Variants in UBP1 observed in about 807,000 individuals in gnomAD.
UBP1 encodes upstream binding protein 1.
A neutral mutation model predicts 76.1 loss-of-function variants in UBP1; 22 were observed. That is an observed-to-expected ratio of 0.29 (90% CI 0.21 to 0.41). The LOEUF (loss-of-function observed/expected upper bound fraction) is 0.41, where lower values mean the gene tolerates loss of function less well. Among genes scored for constraint, UBP1 ranks in the 10% least tolerant of loss-of-function variants. UBP1 has a pLI of 1.00. For synonymous variants in UBP1, 224 were observed against 237.1 expected, an observed-to-expected ratio of 0.94 and a Z score of 0.51; for missense variants, 436 against 668.1, an observed-to-expected ratio of 0.65 and a Z score of 3.83.
intron 3 of UBP1, among the ~76,000 whole-genome samples, chr3:33,414,565 A>T (rs1194437029): frequency 6.6e-6 from 1 of 152,214 alleles, no homozygotes; most frequent in Non-Finnish European, 1.5e-5. Flanking sequence ...CACAAATTTA[A>T]GTAGTATAGT....
chr3:33,425,107 A>G (rs1337626271), intron 2 of UBP1, among the ~76,000 whole-genome samples: 5 of 152,046 alleles, frequency 3.3e-5, no homozygotes, highest in African/African-American at 1.2e-4. Flanking sequence ...CAACCCTTTC[A>G]TATCACTGAA....
chr3:33,424,456 T>C (rs1367047363), intron 2 of UBP1, among the ~76,000 whole-genome samples: 2 of 152,214 alleles, frequency 1.3e-5, no homozygotes, highest in African/African-American at 4.8e-5. Context: ...AAACACTATA[T>C]ACTCAAGTGA....
At chr3:33,440,709 TCTGTGTC>T (rs1478116845), upstream of UBP1, 2 of 152,302 alleles carry the variant, frequency 1.3e-5, no homozygotes, top group African/African-American at 4.8e-5. Flanking sequence ...CCCGTGAGTC[TCTGTGTC>T]CCCCGACTAA....
At chr3:33,429,177 T>C (rs990384106) in intron 1 of UBP1, among the ~76,000 whole-genome samples, 2 of 152,176 alleles carry the variant, frequency 1.3e-5, no homozygotes, top group African/African-American at 4.8e-5. Flanking sequence ...GATTGCTGCA[T>C]TAATAATCAA....
chr3:33,429,565 G>C (rs1370587833), intron 1 of UBP1, among the ~76,000 whole-genome samples: 1 of 152,156 alleles, frequency 6.6e-6, no homozygotes, highest in Admixed American at 6.5e-5. Flanking sequence ...CTGGCCTCAA[G>C]TGATCCACCC....
chr3:33,428,181 CAAAAAAAAAAAA>C (rs59049122), intron 1 of UBP1, among the ~76,000 whole-genome samples: 1 of 57,234 alleles, frequency 1.7e-5, no homozygotes, highest in Non-Finnish European at 3.4e-5. Context: ...GATTCCATCT[CAAAAAAAAAAAA>C]AAAAAAAAAA....
chr3:33,433,707 G>T (rs910923084), intron 1 of UBP1, among the ~76,000 whole-genome samples: 2 of 151,290 alleles, frequency 1.3e-5, no homozygotes, highest in Non-Finnish European at 1.5e-5. Flanking sequence ...TCATCTATTA[G>T]ATCTGTCCCA....
At chr3:33,430,437 T>C (rs2154059656) in intron 1 of UBP1, among the ~76,000 whole-genome samples, 1 of 152,294 alleles carries the variant, frequency 6.6e-6, no homozygotes, top group South Asian at 2.1e-4. Flanking sequence ...TGAAAAGACT[T>C]AGGCATCAAA....
At chr3:33,391,808 A>G (rs1247746961) in intron 15 of UBP1, 3 of 152,240 alleles carry the variant, frequency 2.0e-5, no homozygotes, top group Non-Finnish European at 4.4e-5. Context: ...AAATCTAGTC[A>G]CATTACTACT....
intron 1 of UBP1, among the ~76,000 whole-genome samples, chr3:33,428,042 C>T (rs865899728): frequency 6.6e-6 from 1 of 151,962 alleles, no homozygotes; most frequent in Admixed American, 6.6e-5. Flanking sequence ...ATTAGCTGGG[C>T]GTAGTGGGGC....
At chr3:33,403,315 AC>A in intron 8 of UBP1, 1 of 232,512 alleles carries the variant, frequency 4.3e-6, no homozygotes, top group East Asian at 1.6e-4. Context: ...TCACATGGTG[AC>A]CTGAAACATG....
rs1178636093 is a variant in UBP1 at position 33,439,785 on chromosome 3, T to C, written c.64A>G (p.Ser22Gly). 1 of 1,612,760 alleles carries C rather than the reference T, an allele frequency of 6.2e-7. No individual in the cohort carries two copies. Among genetic ancestry groups the C allele is most frequent in the Non-Finnish European group, 8.5e-7 (1 of 1,179,702 alleles). ...AGTTCCTGCCCGATGCCCGAGAGGC[T>C]GGCGTCGAAGTCGTGCACCAGCCCG... ...ESGLVHDFDA[S>G]LSGIGQELGA... The change falls in exon 1 of 16, where the codon AGC becomes GGC. Residue 22 changes from serine (S) to glycine (G), a missense_variant. Physicochemically the swap from Ser to Gly is moderately conservative, Grantham distance 56. Around this residue, in one of 3 missense-constraint regions of UBP1, gnomAD observed 161 missense variants for 237.9 expected, o/e 0.68. Coordinates refer to ENST00000283629, the MANE Select transcript of UBP1 (RefSeq NM_014517.5).
chr3:33,392,635 C>CTT, intron 14 of UBP1, 21 bp from the exon 15 acceptor site: 1 of 1,594,264 alleles, frequency 6.3e-7, no homozygotes, highest in Non-Finnish European at 8.5e-7. Context: ...AAAGTAAATG[C>CTT]GTAAGTACAA....
chr3:33,400,325 G>T, intron 10 of UBP1, 43 bp from the exon 11 acceptor site: 3 of 1,456,688 alleles, frequency 2.1e-6, no homozygotes, highest in South Asian at 2.6e-5. Context: ...GAACCATTCA[G>T]ACTTAGAACA....
At chr3:33,409,668 C>T (rs1326899440) in intron 5 of UBP1, 67 bp from the exon 6 acceptor site, 3 of 1,595,368 alleles carry the variant, frequency 1.9e-6, no homozygotes, top group Admixed American at 1.7e-5. Flanking sequence ...ATTTTGTTCC[C>T]TCTTGAGTGA....
chr3:33,397,945 T>C (rs149969392), intron 11 of UBP1: 6 of 152,322 alleles, frequency 3.9e-5, no homozygotes, highest in Non-Finnish European at 8.8e-5. Flanking sequence ...TGAACTACTA[T>C]TCAGTATTTC....
Position 33,400,965 on chromosome 3 carries a change from A to G in UBP1, c.1083T>C (p.Gly361=), listed in dbSNP as rs2044205255. 4 of 1,595,624 alleles carry G rather than the reference A, an allele frequency of 2.5e-6. No individual in the cohort carries two copies. In the East Asian group the frequency reaches 9.1e-5, roughly 36 times the overall value. The part of the protein sequence containing the change: ...HQGDGASQTS[G]EQIQPSATIQ... ...GTTTTAGGAGAAAGATACTTACTTCACCAGAGGTCTGTGAAGCTCCATCTC... is the reference window on the plus strand; with the variant it reads ...GTTTTAGGAGAAAGATACTTACTTCGCCAGAGGTCTGTGAAGCTCCATCTC... Residue 361 remains glycine, a synonymous_variant, in exon 10 of 16, where the codon GGT becomes GGC. Transcript: ENST00000283629.
In UBP1 at chr3:33,400,174, C is replaced by CACACAT. The variant is rs759397898; in HGVS notation, c.1180+9_1180+14dup. ...AAACATTCTCATGCACAGATACACACACACATACACATACCTGAAAAATTA... is the reference window on the plus strand; with the variant it reads ...AAACATTCTCATGCACAGATACACACACACATACACATACACATACCTGAAAAATTA... On this transcript the variant is annotated intron_variant, in intron 11 of 15. Coordinates refer to ENST00000283629, the MANE Select transcript of UBP1 (RefSeq NM_014517.5). 6.7e-7 allele frequency: 1 copy of CACACAT among 1,499,982 alleles called. No individual in the cohort carries two copies. The highest frequency in any genetic ancestry group is 8.9e-7 in the Non-Finnish European group (1 of 1,117,660). The allele number at this position is 1,499,982 out of a possible 1,614,324, so 92.9% of individuals were successfully genotyped here.
intron 1 of UBP1, among the ~76,000 whole-genome samples, chr3:33,436,796 T>C (rs1229262642): frequency 6.6e-6 from 1 of 152,212 alleles, no homozygotes; most frequent in Non-Finnish European, 1.5e-5. Flanking sequence ...GATTTCAAGT[T>C]ACCATGAGTT....
Sources: allele counts gnomAD v4.1 joint callset (sites outside exome capture counted in the v4.1 genomes callset), GRCh38; gene constraint gnomAD v4.1.1; regional missense constraint gnomAD v4.1.1; transcripts MANE v1.5; gene names NCBI Gene and HGNC (gene_info 2026-07-23, HGNC 2026-07-21).